The following GALNTL6 variants were observed in gnomAD, a reference collection of about 807,000 sequenced individuals.
The protein encoded by GALNTL6 is polypeptide N-acetylgalactosaminyltransferase like 6.
Under a neutral mutation model 73.7 loss-of-function variants are expected in GALNTL6, and 46 were observed. The ratio of observed to expected loss-of-function variants is 0.62; its 90% CI spans 0.49 to 0.80. The LOEUF (loss-of-function observed/expected upper bound fraction) is 0.80. Among genes scored for constraint, GALNTL6 ranks in the 30% least tolerant of loss-of-function variants. GALNTL6 has a pLI of 0.00. For missense variants in GALNTL6, 604 were observed against 755.0 expected (o/e 0.80, Z 2.34); for synonymous variants, 259 against 263.7 (o/e 0.98, Z 0.17).
intron 2 of GALNTL6, among the ~76,000 whole-genome samples, chr4:172,101,355 C>A (rs1454561850): frequency 1.3e-5 from 2 of 152,134 alleles, no homozygotes; most frequent in Non-Finnish European, 2.9e-5. Context: ...GAATAGCAAA[C>A]ACTCATTGGG....
chr4:173,007,474 A>T (rs1752352180), intron 10 of GALNTL6, among the ~76,000 whole-genome samples: 1 of 152,192 alleles, frequency 6.6e-6, no homozygotes, highest in African/African-American at 2.4e-5. Context: ...TGTGCTTCTG[A>T]CACTATCAGG....
At chr4:172,413,304 C>T (rs1370709725) in intron 5 of GALNTL6, among the ~76,000 whole-genome samples, 5 of 152,218 alleles carry the variant, frequency 3.3e-5, no homozygotes, top group African/African-American at 1.2e-4. Flanking sequence ...GATGTAGCTC[C>T]ACTTTTGATT....
chr4:171,820,815 C>T (rs1734658171), intron 2 of GALNTL6, among the ~76,000 whole-genome samples: 1 of 152,064 alleles, frequency 6.6e-6, no homozygotes. Context: ...GTAGCTACCA[C>T]CTGTCTTAAG....
At chr4:172,523,955 C>T (rs796218953) in intron 5 of GALNTL6, among the ~76,000 whole-genome samples, 47 of 152,270 alleles carry the variant, frequency 3.1e-4, no homozygotes, top group African/African-American at 1.1e-3. Flanking sequence ...ATTAGTGCTT[C>T]GAAGGCCCTC....
Position 172,506,937 on chromosome 4 carries a change from T to A in GALNTL6, c.553+158248T>A, listed in dbSNP as rs1164824812. The stretch of plus-strand genomic sequence containing the variant: ...GGTTAATTGGAGAAAAAAATACAAA[T>A]TTATTTAATGTGTATACACAGGAGC... On this transcript the variant is annotated intron_variant, in intron 5 of 12. Coordinates refer to ENST00000506823, the MANE Select transcript of GALNTL6 (RefSeq NM_001034845.3). 3.6e-5 allele frequency among the ~76,000 whole-genome samples: 2 copies of A among 55,410 alleles called. 1 individual carries two copies. The highest frequency in any genetic ancestry group is 9.0e-5 in the African/African-American group (2 of 22,146). 36.4% of individuals were successfully genotyped at this position (55,410 alleles called of 152,430 possible).
intron 5 of GALNTL6, among the ~76,000 whole-genome samples, chr4:172,767,676 T>C (rs1229149286): frequency 3.4e-5 from 5 of 148,334 alleles, no homozygotes; most frequent in South Asian, 2.2e-4. Context: ...TCTTTTTTTT[T>C]TTTTTTTTTG....
chr4:172,024,536 A>C (rs186370913), intron 2 of GALNTL6, among the ~76,000 whole-genome samples: 55 of 152,032 alleles, frequency 3.6e-4, no homozygotes, highest in Admixed American at 2.5e-3. Context: ...AAGAGGAATT[A>C]GTTATGTAAA....
At chr4:171,878,282 A>T (rs146051780) in intron 2 of GALNTL6, among the ~76,000 whole-genome samples, 13 of 152,338 alleles carry the variant, frequency 8.5e-5, no homozygotes, top group African/African-American at 2.4e-4. Flanking sequence ...CCCTGAGTAA[A>T]CCAGGACAAA....
intron 5 of GALNTL6, among the ~76,000 whole-genome samples, chr4:172,365,867 C>G (rs550230175): frequency 6.6e-6 from 1 of 151,832 alleles, no homozygotes; most frequent in South Asian, 2.1e-4. Context: ...TTTAGACATC[C>G]GGTATAATCA....
chr4:172,810,743 C>A lies in GALNTL6; in HGVS notation c.739+1197C>A, dbSNP rs557772054. ...CCTAATCAACTGAATGTTTTGGTGCCCCTGCAGTCAGAGACTCCTCTGAGC... is the reference window on the plus strand; with the variant it reads ...CCTAATCAACTGAATGTTTTGGTGCACCTGCAGTCAGAGACTCCTCTGAGC... On this transcript the variant is annotated intron_variant, in intron 6 of 12. Coordinates refer to ENST00000506823, the MANE Select transcript of GALNTL6 (RefSeq NM_001034845.3). 3.9e-5 allele frequency among the ~76,000 whole-genome samples: 6 copies of A among 152,236 alleles called. 1 individual carries two copies. In the South Asian group the frequency reaches 1.2e-3, roughly 32 times the overall value.
At chr4:172,832,319 T>C (rs1742681602) in intron 7 of GALNTL6, among the ~76,000 whole-genome samples, 1 of 152,148 alleles carries the variant, frequency 6.6e-6, no homozygotes, top group Non-Finnish European at 1.5e-5. Context: ...TGAACTAGGA[T>C]TTCACACAGA....
intron 2 of GALNTL6, among the ~76,000 whole-genome samples, chr4:172,040,427 A>C (rs1742051764): frequency 6.6e-6 from 1 of 151,702 alleles, no homozygotes; most frequent in East Asian, 1.9e-4. Context: ...CCTTTTTCCT[A>C]AGACTTCATT....
intron 5 of GALNTL6, among the ~76,000 whole-genome samples, chr4:172,705,557 C>G (rs1371713381): frequency 6.6e-6 from 1 of 150,788 alleles, no homozygotes; most frequent in African/African-American, 2.4e-5. Flanking sequence ...TAGTAATTTT[C>G]TCTGGGTATT....
chr4:171,949,515 G>T (rs954574678), intron 2 of GALNTL6, among the ~76,000 whole-genome samples: 1 of 152,028 alleles, frequency 6.6e-6, no homozygotes, highest in Non-Finnish European at 1.5e-5. Context: ...ACCTGAGAGG[G>T]GAAAAAAGCG....
chr4:172,401,952 G>GA lies in GALNTL6; in HGVS notation c.553+53263_553+53264insA, dbSNP rs1446640620. On this transcript the variant is annotated intron_variant, in intron 5 of 12. Coordinates refer to ENST00000506823, the MANE Select transcript of GALNTL6 (RefSeq NM_001034845.3). ...GGGAGAGAGGGGGAAAGGGGGAGGG[G>GA]GGAGAGAGAGAGAGAGAGAGAGAGA... Among the ~76,000 whole-genome samples the GA allele has an allele frequency of 4.5e-3, 447 of 98,560 alleles. 3 individuals are homozygous for GA. The highest frequency in any genetic ancestry group is 0.017 in the South Asian group (43 of 2,510). 64.7% of individuals were successfully genotyped at this position (98,560 alleles called of 152,430 possible).
intron 5 of GALNTL6, among the ~76,000 whole-genome samples, chr4:172,714,442 G>A (rs1169518943): frequency 6.6e-6 from 1 of 151,970 alleles, no homozygotes; most frequent in Admixed American, 6.6e-5. Flanking sequence ...CATAATGATC[G>A]TAATACCTAC....
chr4:171,870,763 T>C lies in GALNTL6; in HGVS notation c.138+56045T>C, dbSNP rs532862043. On this transcript the variant is annotated intron_variant, in intron 2 of 12. Transcript: ENST00000506823. The stretch of plus-strand genomic sequence containing the variant: ...GAGAAATTTGCAGACAGACACATAC[T>C]GGAGGGGAGGTCTATGCTGAGATTG... Among the ~76,000 whole-genome samples the C allele has an allele frequency of 2.6e-5, 4 of 152,258 alleles. No homozygotes were observed. In the South Asian group the frequency reaches 8.3e-4, roughly 32 times the overall value.
intron 5 of GALNTL6, among the ~76,000 whole-genome samples, chr4:172,400,308 G>A (rs1714470084): frequency 6.6e-6 from 1 of 152,108 alleles, no homozygotes; most frequent in African/African-American, 2.4e-5. Flanking sequence ...AACCTCTAAG[G>A]AAAATGAATT....
chr4:172,916,485 T>C (rs1457893166), intron 8 of GALNTL6, among the ~76,000 whole-genome samples: 1 of 152,214 alleles, frequency 6.6e-6, no homozygotes, highest in African/African-American at 2.4e-5. Context: ...CATGATTGTA[T>C]ATTTAGAAAA....
Sources: gnomAD v4.1 joint callset for allele counts (sites outside exome capture counted in the v4.1 genomes callset) on GRCh38, gnomAD v4.1.1 for gene constraint, MANE v1.5 for transcripts, NCBI Gene and HGNC (gene_info 2026-07-23, HGNC 2026-07-21) for gene names.